The following RORA variants were observed in gnomAD, a reference collection of about 807,000 sequenced individuals.
RORA encodes RAR related orphan receptor A, also known as nuclear receptor ROR-alpha.
A neutral mutation model predicts 69.5 loss-of-function variants in RORA; 7 were observed. That is an observed-to-expected ratio of 0.10 (90% CI 0.06 to 0.19). RORA has a LOEUF of 0.19. RORA is among the 10% of genes least tolerant of loss of function. RORA has a pLI of 1.00. For synonymous variants in RORA, 261 were observed against 240.8 expected, an observed-to-expected ratio of 1.08 and a Z score of -0.78; for missense variants, 457 against 663.0, an observed-to-expected ratio of 0.69 and a Z score of 3.41.
At chr15:61,205,796 G>C (rs1429646683) in intron 1 of RORA, among the ~76,000 whole-genome samples, 1 of 152,164 alleles carries the variant, frequency 6.6e-6, no homozygotes, top group Non-Finnish European at 1.5e-5. Context: ...TCCACACATG[G>C]AGAAGGGCAC....
At chr15:61,136,961 C>G (rs901527229) in intron 1 of RORA, among the ~76,000 whole-genome samples, 1 of 150,322 alleles carries the variant, frequency 6.7e-6, no homozygotes, top group Non-Finnish European at 1.5e-5. Context: ...AAGAGAAGGT[C>G]CAGCATCCAA....
chr15:61,160,170 C>T lies in RORA; in HGVS notation c.166+68883G>A, dbSNP rs140549021. On this transcript the variant is annotated intron_variant, in intron 1 of 10. Coordinates refer to ENST00000335670, the MANE Select transcript of RORA (RefSeq NM_134261.3). ...CACATAAGCTCTCATGTTCCTGGCA[C>T]GAAGCACTAATCCAAGAACTGACAG... Among the ~76,000 whole-genome samples, 44 of 152,246 alleles carry T rather than the reference C, an allele frequency of 2.9e-4. 2 individuals carry two copies. In the East Asian group the frequency reaches 6.4e-3, roughly 22 times the overall value.
chr15:61,003,321 T>C (rs1894805770), intron 1 of RORA, among the ~76,000 whole-genome samples: 1 of 152,194 alleles, frequency 6.6e-6, no homozygotes, highest in Admixed American at 6.5e-5. Context: ...CTGAAGAGAC[T>C]ATGTAATCTG....
chr15:60,622,677 C>T (rs1156445001), intron 2 of RORA, among the ~76,000 whole-genome samples: 2 of 152,128 alleles, frequency 1.3e-5, no homozygotes, highest in East Asian at 1.9e-4. Context: ...CTTTTATTAC[C>T]ATCATTCTGA....
At chr15:60,944,329 C>G (rs1375914682) in intron 1 of RORA, among the ~76,000 whole-genome samples, 1 of 152,108 alleles carries the variant, frequency 6.6e-6, no homozygotes, top group Non-Finnish European at 1.5e-5. Context: ...ACCCAGTTGG[C>G]CACAGTGAAC....
chr15:61,168,502 G>A (rs1458755750), intron 1 of RORA, among the ~76,000 whole-genome samples: 2 of 151,996 alleles, frequency 1.3e-5, no homozygotes, highest in Non-Finnish European at 2.9e-5. Flanking sequence ...CAAGTTATCT[G>A]CCCACCTCGG....
intron 1 of RORA, among the ~76,000 whole-genome samples, chr15:60,779,739 C>A (rs1397250209): frequency 6.6e-6 from 1 of 152,226 alleles, no homozygotes; most frequent in African/African-American, 2.4e-5. Flanking sequence ...AAGCTTCCAA[C>A]AAACTTAACA....
At chr15:61,065,769 A>G (rs930386862) in intron 1 of RORA, among the ~76,000 whole-genome samples, 1 of 152,184 alleles carries the variant, frequency 6.6e-6, no homozygotes, top group African/African-American at 2.4e-5. Flanking sequence ...AGGACCTTTT[A>G]GAGCACAAAA....
At chr15:61,094,232 C>T (rs1312835686) in intron 1 of RORA, among the ~76,000 whole-genome samples, 1 of 152,136 alleles carries the variant, frequency 6.6e-6, no homozygotes, top group East Asian at 1.9e-4. Context: ...AAGGAGATAT[C>T]AGAATAGTCA....
chr15:60,959,427 A>C lies in RORA; in HGVS notation c.166+269626T>G, dbSNP rs567583730. On this transcript the variant is annotated intron_variant, in intron 1 of 10. Transcript: ENST00000335670. ...ACGTACCTGATAGTGACTTTGTTCC[A>C]ATGTCTTTATCTTTAAACTAACGTA... is the stretch of plus-strand genomic sequence containing the variant. Among the ~76,000 whole-genome samples the C allele has an allele frequency of 5.6e-4, 86 of 152,328 alleles. 1 individual carries two copies. The highest frequency in any genetic ancestry group is 1.1e-3 in the Non-Finnish European group (73 of 68,022).
At chr15:60,941,422 G>A (rs567695815) in intron 1 of RORA, among the ~76,000 whole-genome samples, 2 of 152,230 alleles carry the variant, frequency 1.3e-5, no homozygotes, top group African/African-American at 4.8e-5. Context: ...TAGGACCCCA[G>A]GGCCAAATCT....
intron 1 of RORA, among the ~76,000 whole-genome samples, chr15:61,149,090 C>A (rs2079375609): frequency 6.6e-6 from 1 of 152,174 alleles, no homozygotes; most frequent in South Asian, 2.1e-4. Context: ...CTTACGTAAT[C>A]AAATGTGAGC....
chr15:60,568,960 A>C (rs2067795258), intron 2 of RORA, among the ~76,000 whole-genome samples: 1 of 148,602 alleles, frequency 6.7e-6, no homozygotes, highest in Non-Finnish European at 1.5e-5. Flanking sequence ...AAAAAAAAAA[A>C]AAACTCAATA....
chr15:60,905,536 AT>A lies in RORA; in HGVS notation c.167-226851del, dbSNP rs1378853094. 6.6e-6 allele frequency among the ~76,000 whole-genome samples: 1 copy of A among 152,200 alleles called. No homozygotes were observed. Among genetic ancestry groups the A allele is most frequent in the Non-Finnish European group, 1.5e-5 (1 of 68,036 alleles). ...TCATTGCTGAGCTCTTTTGTGTTTC[AT>A]AGAAAGCAGTTGCTAAACAGATGAA... On this transcript the variant is annotated intron_variant, in intron 1 of 10. Coordinates refer to ENST00000335670, the MANE Select transcript of RORA (RefSeq NM_134261.3). The surrounding 1 kb of genome is among the most constrained non-coding windows in gnomAD (Gnocchi z 4.8).
intron 1 of RORA, among the ~76,000 whole-genome samples, chr15:60,963,715 T>C (rs1893476095): frequency 6.6e-6 from 1 of 152,214 alleles, no homozygotes; most frequent in Admixed American, 6.5e-5. Context: ...GCTATAGAAC[T>C]CAGCGGGAAT....
chr15:60,957,599 A>G (rs1479938785), intron 1 of RORA, among the ~76,000 whole-genome samples: 1 of 152,200 alleles, frequency 6.6e-6, no homozygotes, highest in Non-Finnish European at 1.5e-5. Flanking sequence ...TCAGTCCCTG[A>G]GGGGGCTATA....
intron 1 of RORA, among the ~76,000 whole-genome samples, chr15:61,192,998 G>T (rs948271333): frequency 6.6e-5 from 10 of 152,130 alleles, no homozygotes; most frequent in African/African-American, 2.4e-4. Flanking sequence ...AACCTTCAAC[G>T]ACTCTCTGTT....
intron 2 of RORA, among the ~76,000 whole-genome samples, chr15:60,567,564 C>T (rs991031064): frequency 2.0e-5 from 3 of 152,018 alleles, no homozygotes; most frequent in Non-Finnish European, 4.4e-5. Context: ...GCATGCACCA[C>T]CACACCCAAC....
At chr15:61,143,568 T>G (rs113586990) in intron 1 of RORA, among the ~76,000 whole-genome samples, 1 of 152,222 alleles carries the variant, frequency 6.6e-6, no homozygotes, top group Non-Finnish European at 1.5e-5. Flanking sequence ...AGTTTGTTAT[T>G]AGCAAACCAA....
Sources: allele counts gnomAD v4.1 joint callset (sites outside exome capture counted in the v4.1 genomes callset), GRCh38; gene constraint gnomAD v4.1.1; non-coding constraint Gnocchi (gnomAD v3.1); transcripts MANE v1.5; gene names NCBI Gene and HGNC (gene_info 2026-07-23, HGNC 2026-07-21).